Variants in EYA4 observed in about 807,000 individuals in gnomAD.
EYA4 encodes the protein protein phosphatase EYA4.
EYA4 carries 31 observed loss-of-function variants against 87.9 expected under a neutral mutation model. The ratio of observed to expected loss-of-function variants is 0.35; its 90% CI spans 0.27 to 0.48. The LOEUF is 0.48. EYA4 is among the 20% of genes least tolerant of loss of function. The probability of loss-of-function intolerance (pLI) is 0.99; values close to 1 mark genes in which losing one functional copy is unlikely to be tolerated. For synonymous variants in EYA4, 263 were observed against 270.6 expected (o/e 0.97, Z 0.28); for missense variants, 678 against 761.4 (o/e 0.89, Z 1.29).
chr6:133,377,932 G>A (rs982893479), intron 2 of EYA4, among the ~76,000 whole-genome samples: 1 of 151,308 alleles, frequency 6.6e-6, no homozygotes, highest in East Asian at 2.0e-4. Flanking sequence ...CACTAATATT[G>A]TATACTTTAA....
intron 2 of EYA4, among the ~76,000 whole-genome samples, chr6:133,283,661 C>T (rs2128285351): frequency 6.6e-6 from 1 of 152,144 alleles, no homozygotes; most frequent in South Asian, 2.1e-4. Flanking sequence ...AGTCTTTATT[C>T]CAGAATCCAT....
rs1800056979 is a variant in EYA4, at chr6:133,520,871, C to G, written c.1617-2185C>G. On this transcript the variant is annotated intron_variant, in intron 17 of 19. Coordinates refer to ENST00000355286, the MANE Select transcript of EYA4 (RefSeq NM_004100.5). ...AAAAACAAGCAATGGGGAAAGGATT[C>G]CCTATTTAATAAATGGTGCTGGGAC... Among the ~76,000 whole-genome samples, 5 of 150,326 alleles carry G rather than the reference C, an allele frequency of 3.3e-5. No homozygotes were observed. In the South Asian group the frequency reaches 1.1e-3, roughly 32 times the overall value.
At chr6:133,335,117 A>G (rs77539880) in intron 2 of EYA4, among the ~76,000 whole-genome samples, 2 of 152,240 alleles carry the variant, frequency 1.3e-5, no homozygotes, top group African/African-American at 4.8e-5. Context: ...GCCTTTTTGC[A>G]TTTCCTTTTT....
intron 3 of EYA4, among the ~76,000 whole-genome samples, chr6:133,430,145 T>C (rs1197576800): frequency 6.6e-6 from 1 of 152,228 alleles, no homozygotes; most frequent in Non-Finnish European, 1.5e-5. Context: ...CTGCAGTAAA[T>C]TCACTTAGGA....
Position 133,342,605 on chromosome 6 carries a change from A to ATC in EYA4, c.34-39787_34-39786insTC, listed in dbSNP as rs1485897156. ...TATATATATATATATATATATATATAATTCTTTATATTTCTCTGGGCTTAA... is the reference window on the plus strand; with the variant it reads ...TATATATATATATATATATATATATATCATTCTTTATATTTCTCTGGGCTTAA... On this transcript the variant is annotated intron_variant, in intron 2 of 19. Transcript: ENST00000355286. 8.4e-5 allele frequency among the ~76,000 whole-genome samples: 11 copies of ATC among 130,440 alleles called. 1 individual carries two copies. The highest frequency in any genetic ancestry group is 3.0e-4 in the African/African-American group (9 of 30,502). The allele number at this position is 130,440 out of a possible 152,430, so 85.6% of individuals were successfully genotyped here.
At chr6:133,446,532 T>C in intron 3 of EYA4, 98 bp from the exon 4 acceptor site, 2 of 1,369,980 alleles carry the variant, frequency 1.5e-6, no homozygotes, top group Non-Finnish European at 2.1e-6. Context: ...TTTTAATTAT[T>C]ACTGTGAGAT....
intron 3 of EYA4, among the ~76,000 whole-genome samples, chr6:133,388,133 C>A (rs1404906769): frequency 6.6e-6 from 1 of 152,052 alleles, no homozygotes; most frequent in Non-Finnish European, 1.5e-5. Flanking sequence ...CTCGGCCGGG[C>A]ACAGTGGCTC....
chr6:133,308,627 T>C (rs1162163413), intron 2 of EYA4, among the ~76,000 whole-genome samples: 1 of 152,008 alleles, frequency 6.6e-6, no homozygotes, highest in Non-Finnish European at 1.5e-5. Flanking sequence ...CACTTGTAAG[T>C]GACAGTATTT....
intron 14 of EYA4, chr6:133,507,130 G>A (rs2128763717): frequency 6.6e-6 from 1 of 152,260 alleles, no homozygotes; most frequent in Non-Finnish European, 1.5e-5. Context: ...GATATTTTAT[G>A]TTGGACTTTC....
chr6:133,316,492 G>T (rs1780633006), intron 2 of EYA4, among the ~76,000 whole-genome samples: 1 of 152,162 alleles, frequency 6.6e-6, no homozygotes. Flanking sequence ...GAGTACTGGA[G>T]TTCTTTTTAG....
chr6:133,509,062 T>TA (rs1459378321), intron 14 of EYA4, among the ~76,000 whole-genome samples: 1 of 152,164 alleles, frequency 6.6e-6, no homozygotes, highest in African/African-American at 2.4e-5. Flanking sequence ...CACATCCAGA[T>TA]AAAGTGCCCA....
chr6:133,319,962 C>T (rs1228794565), intron 2 of EYA4, among the ~76,000 whole-genome samples: 2 of 152,064 alleles, frequency 1.3e-5, no homozygotes, highest in Admixed American at 6.6e-5. Flanking sequence ...ATCCACCCAC[C>T]TCAGCCTTCC....
intron 2 of EYA4, among the ~76,000 whole-genome samples, chr6:133,299,941 ATCTATCTATCTATC>A (rs886930705): frequency 5.1e-5 from 7 of 136,370 alleles, no homozygotes; most frequent in African/African-American, 1.2e-4. Flanking sequence ...CTATCTATCT[ATCTATCTATCTATC>A]TATATATATA....
At chr6:133,252,918 G>A (rs1775017954) in intron 1 of EYA4, among the ~76,000 whole-genome samples, 1 of 149,558 alleles carries the variant, frequency 6.7e-6, no homozygotes, top group South Asian at 2.1e-4. Flanking sequence ...TGATGCCTAA[G>A]TAGGCAGGGT....
At chr6:133,295,461 G>A (rs1778876597) in intron 2 of EYA4, among the ~76,000 whole-genome samples, 1 of 152,170 alleles carries the variant, frequency 6.6e-6, no homozygotes, top group Admixed American at 6.5e-5. Context: ...GGGAGATAGA[G>A]TAGGAAGTTG....
At chr6:133,413,735 C>G (rs1339504153) in intron 3 of EYA4, among the ~76,000 whole-genome samples, 1 of 152,164 alleles carries the variant, frequency 6.6e-6, no homozygotes, top group African/African-American at 2.4e-5. Flanking sequence ...AATCTTAAAT[C>G]TCTGTTTCCA....
chr6:133,267,233 A>C (rs1776291414), intron 1 of EYA4, among the ~76,000 whole-genome samples: 1 of 152,234 alleles, frequency 6.6e-6, no homozygotes, highest in African/African-American at 2.4e-5. Context: ...AAGTATGTGA[A>C]ACCAAAAATG....
chr6:133,346,697 T>C (rs1039921669), intron 2 of EYA4, among the ~76,000 whole-genome samples: 2 of 152,152 alleles, frequency 1.3e-5, no homozygotes, highest in African/African-American at 4.8e-5. Flanking sequence ...CTGGCAGGTA[T>C]GCTCATTTTC....
At chr6:133,466,791 T>A (rs1193358307) in intron 10 of EYA4, among the ~76,000 whole-genome samples, 2 of 146,246 alleles carry the variant, frequency 1.4e-5, no homozygotes, top group Non-Finnish European at 1.5e-5. Context: ...AAAAAAAGGC[T>A]GGAGTTCAGT....
Sources: gnomAD v4.1 joint callset for allele counts (sites outside exome capture counted in the v4.1 genomes callset) on GRCh38, gnomAD v4.1.1 for gene constraint, MANE v1.5 for transcripts, NCBI Gene and HGNC (gene_info 2026-07-23, HGNC 2026-07-21) for gene names.